The following CSMD3 variants were observed in gnomAD, a reference collection of about 807,000 sequenced individuals.
CSMD3 encodes the protein CUB and Sushi multiple domains 3, also known as CUB and sushi domain-containing protein 3.
CSMD3 carries 177 observed loss-of-function variants against 435.2 expected under a neutral mutation model. The ratio of observed to expected loss-of-function variants is 0.41; its 90% CI spans 0.36 to 0.46. The LOEUF (loss-of-function observed/expected upper bound fraction) is 0.46, where lower values mean the gene tolerates loss of function less well. Among genes scored for constraint, CSMD3 ranks in the 20% least tolerant of loss-of-function variants. CSMD3 has a pLI of 0.34. For synonymous variants in CSMD3, 1,656 were observed against 1,520.5 expected (o/e 1.09, Z -2.07); for missense variants, 4,265 against 4,504.6 (o/e 0.95, Z 1.52).
intron 32 of CSMD3, among the ~76,000 whole-genome samples, chr8:112,426,633 T>G (rs2130348034): frequency 6.6e-6 from 1 of 152,326 alleles, no homozygotes; most frequent in African/African-American, 2.4e-5. Flanking sequence ...CCAGATACTA[T>G]CATTACCTCA....
chr8:112,345,753 T>G (rs1337254263), intron 41 of CSMD3, among the ~76,000 whole-genome samples: 1 of 152,130 alleles, frequency 6.6e-6, no homozygotes, highest in Non-Finnish European at 1.5e-5. Context: ...GATAATATAT[T>G]AATTAACTTT....
At chr8:112,344,460 G>A (rs1825474442) in intron 41 of CSMD3, among the ~76,000 whole-genome samples, 1 of 152,166 alleles carries the variant, frequency 6.6e-6, no homozygotes, top group South Asian at 2.1e-4. Context: ...TGAGTTATCT[G>A]TTAATTTATG....
intron 63 of CSMD3, among the ~76,000 whole-genome samples, chr8:112,252,909 G>A (rs1815415475): frequency 6.6e-6 from 1 of 151,038 alleles, no homozygotes; most frequent in Non-Finnish European, 1.5e-5. Context: ...ATAAATTCAG[G>A]GTTAGGTTAA....
intron 28 of CSMD3, among the ~76,000 whole-genome samples, chr8:112,515,712 G>A (rs77119837): frequency 0.012 from 1,789 of 152,006 alleles, 17 homozygotes; most frequent in Non-Finnish European, 0.019. Flanking sequence ...TTACTTCTTT[G>A]TCATTTGTCT....
At chr8:112,968,373 T>C (rs552816105) in intron 7 of CSMD3, among the ~76,000 whole-genome samples, 2 of 152,032 alleles carry the variant, frequency 1.3e-5, no homozygotes, top group South Asian at 4.1e-4. Flanking sequence ...TTTGATGCTT[T>C]AGTGATTTCT....
Position 113,077,585 on chromosome 8 carries a change from C to T in CSMD3, c.917+21171G>A, listed in dbSNP as rs574623295. The stretch of plus-strand genomic sequence containing the variant: ...GGTGTGGTGGCATGCACCTGTAATC[C>T]CAGCTACTAGCAGGGGCTGAGACAG... On this transcript the variant is annotated intron_variant, in intron 5 of 70. Coordinates refer to ENST00000297405, the MANE Select transcript of CSMD3 (RefSeq NM_198123.2). Among the ~76,000 whole-genome samples, 6 of 152,094 alleles carry T rather than the reference C, an allele frequency of 3.9e-5. No individual in the cohort carries two copies. In the Middle Eastern group the frequency reaches 0.014, roughly 345 times the overall value.
chr8:113,116,884 C>A lies in CSMD3; in HGVS notation c.710-17921G>T, dbSNP rs2090847490. On this transcript the variant is annotated intron_variant, in intron 4 of 70. Transcript: ENST00000297405. The stretch of plus-strand genomic sequence containing the variant: ...ATGCAAAAAGACTGATGGTATTTTG[C>A]CCCTGCCTTAAAGATCTGTGGAGAT... 2.6e-5 allele frequency among the ~76,000 whole-genome samples: 4 copies of A among 152,040 alleles called. No homozygotes were observed. The South Asian group carries it at 6.2e-4, about 24-fold the overall frequency.
intron 10 of CSMD3, among the ~76,000 whole-genome samples, chr8:112,862,278 T>A (rs368820813): frequency 4.6e-5 from 7 of 152,182 alleles, no homozygotes; most frequent in African/African-American, 1.7e-4. Context: ...TTTCTTGTTT[T>A]CTTAATGTAT....
intron 4 of CSMD3, among the ~76,000 whole-genome samples, chr8:113,129,323 T>C (rs1350136007): frequency 6.6e-6 from 1 of 152,064 alleles, no homozygotes; most frequent in South Asian, 2.1e-4. Flanking sequence ...GGGAGTATAA[T>C]ACGTAGAGAT....
chr8:112,762,111 G>A (rs1292880795), intron 13 of CSMD3, among the ~76,000 whole-genome samples: 1 of 151,868 alleles, frequency 6.6e-6, no homozygotes, highest in African/African-American at 2.4e-5. Flanking sequence ...GCATTCTTGT[G>A]TCTTTGATCA....
chr8:112,388,488 G>C (rs938645184), intron 36 of CSMD3, among the ~76,000 whole-genome samples: 4 of 152,152 alleles, frequency 2.6e-5, no homozygotes, highest in Non-Finnish European at 4.4e-5. Context: ...TACCGAGTAA[G>C]AGTCAGAAAA....
intron 5 of CSMD3, among the ~76,000 whole-genome samples, chr8:113,090,908 ACCACCTCT>A (rs1485965356): frequency 6.6e-6 from 1 of 151,954 alleles, no homozygotes; most frequent in Non-Finnish European, 1.5e-5. Context: ...ATCCTAACCT[ACCACCTCT>A]CCTCACTTTC....
At chr8:112,861,115 T>A (rs1016678144) in intron 10 of CSMD3, among the ~76,000 whole-genome samples, 2 of 151,874 alleles carry the variant, frequency 1.3e-5, no homozygotes, top group Non-Finnish European at 3.0e-5. Context: ...TGTTTTCCTC[T>A]GTGGAAACAT....
chr8:113,109,540 A>G (rs1382466928), intron 4 of CSMD3, among the ~76,000 whole-genome samples: 4 of 152,218 alleles, frequency 2.6e-5, no homozygotes, highest in Non-Finnish European at 2.9e-5. Context: ...CTAACAAGGC[A>G]AACAATATTA....
intron 18 of CSMD3, among the ~76,000 whole-genome samples, chr8:112,651,105 C>T (rs964223846): frequency 1.3e-5 from 2 of 152,292 alleles, no homozygotes; most frequent in South Asian, 4.1e-4. Context: ...AATACTGCTA[C>T]ACATTTCTTG....
chr8:113,134,572 A>C (rs1417534812), intron 4 of CSMD3, among the ~76,000 whole-genome samples: 1 of 152,078 alleles, frequency 6.6e-6, no homozygotes, highest in East Asian at 1.9e-4. Context: ...TTTTAAAGGA[A>C]TCCTGTGTGT....
chr8:113,107,862 ATAT>A (rs1254893707), intron 4 of CSMD3, among the ~76,000 whole-genome samples: 1 of 152,160 alleles, frequency 6.6e-6, no homozygotes, highest in African/African-American at 2.4e-5. Flanking sequence ...CTTTTTGTTC[ATAT>A]TATATCTGTT....
At chr8:112,483,386 A>G (rs1209437517) in intron 31 of CSMD3, among the ~76,000 whole-genome samples, 3 of 152,110 alleles carry the variant, frequency 2.0e-5, no homozygotes, top group Non-Finnish European at 2.9e-5. Context: ...CTAGCTACTC[A>G]GGAGGCTTAG....
intron 13 of CSMD3, among the ~76,000 whole-genome samples, chr8:112,798,910 G>A (rs369916349): frequency 1.3e-4 from 19 of 151,850 alleles, no homozygotes; most frequent in East Asian, 1.2e-3. Flanking sequence ...GAAGTATGAC[G>A]AGGTGAGAGG....
Sources: gnomAD v4.1 joint callset for allele counts (sites outside exome capture counted in the v4.1 genomes callset) on GRCh38, gnomAD v4.1.1 for gene constraint, MANE v1.5 for transcripts, NCBI Gene and HGNC (gene_info 2026-07-23, HGNC 2026-07-21) for gene names.